EYS: variants seen among roughly 807,000 people sequenced by gnomAD.
EYS encodes the protein protein eyes shut homolog.
Under a neutral mutation model 282.1 loss-of-function variants are expected in EYS, and 250 were observed. The ratio of observed to expected loss-of-function variants is 0.89; its 90% CI spans 0.80 to 0.98. The LOEUF is 0.98. Ranked by LOEUF, EYS falls within the 50% of genes least tolerant of loss-of-function variation. The probability of loss-of-function intolerance (pLI) is 0.00; values close to 1 mark genes in which losing one functional copy is unlikely to be tolerated. For missense variants in EYS, 4,016 were observed against 3,709.0 expected, an observed-to-expected ratio of 1.08 and a Z score of -2.15; for synonymous variants, 1,355 against 1,282.9, an observed-to-expected ratio of 1.06 and a Z score of -1.20.
At chr6:63,941,794 T>C (rs1242078569) in intron 35 of EYS, among the ~76,000 whole-genome samples, 1 of 152,174 alleles carries the variant, frequency 6.6e-6, no homozygotes, top group Non-Finnish European at 1.5e-5. Flanking sequence ...ATACAGCTGC[T>C]AAGCTACTAG....
chr6:65,494,402 G>A (rs1275897679), intron 4 of EYS, among the ~76,000 whole-genome samples: 2 of 151,466 alleles, frequency 1.3e-5, no homozygotes, highest in Non-Finnish European at 2.9e-5. Context: ...CTCAGCCTCC[G>A]GAGTAGCTGG....
chr6:64,854,800 T>C (rs1583226278), intron 19 of EYS, among the ~76,000 whole-genome samples: 1 of 152,202 alleles, frequency 6.6e-6, no homozygotes, highest in East Asian at 1.9e-4. Context: ...TTTTTATATC[T>C]GACAGTCTAT....
At chr6:64,777,107 T>C (rs12193389) in intron 22 of EYS, among the ~76,000 whole-genome samples, 33,507 of 152,088 alleles carry the variant, frequency 0.22, 4,013 homozygotes, top group South Asian at 0.31. Context: ...CTCACTATCA[T>C]GAGAACAAGA....
chr6:64,674,198 G>T (rs1014580117), intron 22 of EYS, among the ~76,000 whole-genome samples: 2 of 151,954 alleles, frequency 1.3e-5, no homozygotes, highest in Non-Finnish European at 2.9e-5. Flanking sequence ...TCTTTTATTG[G>T]CAGAGGAGAG....
intron 15 of EYS, among the ~76,000 whole-genome samples, chr6:64,938,048 T>C (rs370819269): frequency 6.6e-6 from 1 of 151,650 alleles, no homozygotes; most frequent in Admixed American, 6.6e-5. Flanking sequence ...TGATTCCATT[T>C]ATATGAAATG....
At chr6:63,964,761 G>A (rs1378160090) in intron 35 of EYS, among the ~76,000 whole-genome samples, 2 of 152,178 alleles carry the variant, frequency 1.3e-5, no homozygotes, top group Non-Finnish European at 2.9e-5. Context: ...CTTTCCTCTT[G>A]TTAGTACAAT....
intron 30 of EYS, among the ~76,000 whole-genome samples, chr6:64,252,230 C>A (rs1767241367): frequency 6.6e-6 from 1 of 152,098 alleles, no homozygotes; most frequent in Non-Finnish European, 1.5e-5. Context: ...TCACCCTCTG[C>A]ACTCTCCATG....
chr6:64,453,258 G>T (rs755761234), intron 26 of EYS, among the ~76,000 whole-genome samples: 3 of 152,156 alleles, frequency 2.0e-5, no homozygotes, highest in Non-Finnish European at 4.4e-5. Flanking sequence ...ATGAAAAAAT[G>T]CTTATCATCA....
intron 22 of EYS, among the ~76,000 whole-genome samples, chr6:64,676,412 T>C (rs1467497779): frequency 6.7e-6 from 1 of 150,008 alleles, no homozygotes; most frequent in Non-Finnish European, 1.5e-5. Context: ...TTATAGGTAC[T>C]CAAAAATTGA....
intron 35 of EYS, among the ~76,000 whole-genome samples, chr6:63,925,506 C>G (rs936500555): frequency 1.3e-5 from 2 of 152,174 alleles, no homozygotes; most frequent in Non-Finnish European, 2.9e-5. Context: ...TTTCTGGTTT[C>G]TTTGGCATTG....
At chr6:65,356,272 G>C (rs771903995) in intron 8 of EYS, among the ~76,000 whole-genome samples, 5 of 152,164 alleles carry the variant, frequency 3.3e-5, no homozygotes, top group Middle Eastern at 3.4e-3. Context: ...TGTTTTGTCT[G>C]CAATTGTTTT....
chr6:64,173,613 T>C (rs1764544139), intron 31 of EYS, among the ~76,000 whole-genome samples: 1 of 152,214 alleles, frequency 6.6e-6, no homozygotes, highest in South Asian at 2.1e-4. Flanking sequence ...ACTTATTTTT[T>C]AGTGGTACTA....
intron 11 of EYS, among the ~76,000 whole-genome samples, chr6:65,311,456 T>G (rs2150298780): frequency 6.6e-6 from 1 of 152,348 alleles, no homozygotes; most frequent in South Asian, 2.1e-4. Context: ...ATGGTTTGAC[T>G]TATGGATGGG....
At chr6:64,200,708 A>G (rs1420402754) in intron 31 of EYS, among the ~76,000 whole-genome samples, 1 of 152,126 alleles carries the variant, frequency 6.6e-6, no homozygotes, top group African/African-American at 2.4e-5. Context: ...GTGAAGGTTA[A>G]GCTTCAGGGC....
At chr6:65,524,501 C>A (rs1306926028) in intron 2 of EYS, among the ~76,000 whole-genome samples, 1 of 152,150 alleles carries the variant, frequency 6.6e-6, no homozygotes, top group African/African-American at 2.4e-5. Context: ...GCATATACAG[C>A]CTTCTAGAGA....
At chr6:65,369,664 A>T (rs1207716006) in intron 8 of EYS, among the ~76,000 whole-genome samples, 1 of 151,452 alleles carries the variant, frequency 6.6e-6, no homozygotes, top group Non-Finnish European at 1.5e-5. Context: ...CGATATTGGC[A>T]TTTTGGACTC....
chr6:65,551,812 A>C (rs375168710), intron 2 of EYS, among the ~76,000 whole-genome samples: 2 of 3,866 alleles, frequency 5.2e-4, no homozygotes, highest in South Asian at 0.011. Context: ...GCAACAAAAG[A>C]CAAAATTGAC....
At chr6:64,989,709 A>G (rs1378939389) in intron 14 of EYS, among the ~76,000 whole-genome samples, 4 of 145,290 alleles carry the variant, frequency 2.8e-5, no homozygotes, top group Non-Finnish European at 6.0e-5. Context: ...TCTTATGTAT[A>G]AATTATAATA....
intron 26 of EYS, among the ~76,000 whole-genome samples, chr6:64,484,711 G>T (rs1286147843): frequency 1.3e-5 from 2 of 151,582 alleles, no homozygotes; most frequent in Non-Finnish European, 3.0e-5. Flanking sequence ...CCAAGGCAGT[G>T]TTATATTAAG....
Sources: allele counts gnomAD v4.1 joint callset (sites outside exome capture counted in the v4.1 genomes callset), GRCh38; gene constraint gnomAD v4.1.1; transcripts MANE v1.5; gene names NCBI Gene and HGNC (gene_info 2026-07-23, HGNC 2026-07-21).